Variants in MAST1 observed in about 807,000 individuals in gnomAD.
MAST1 encodes microtubule associated serine/threonine kinase 1.
Under a neutral mutation model 124.6 loss-of-function variants are expected in MAST1, and 40 were observed. The ratio of observed to expected loss-of-function variants is 0.32; its 90% CI spans 0.25 to 0.42. The LOEUF is 0.42. Among genes scored for constraint, MAST1 ranks in the 10% least tolerant of loss-of-function variants. The pLI, the probability that MAST1 is intolerant of heterozygous loss-of-function variation, is 1.00. For missense variants in MAST1, 1,558 were observed against 2,181.9 expected, an observed-to-expected ratio of 0.71 and a Z score of 5.70; for synonymous variants, 938 against 939.4, an observed-to-expected ratio of 1.00 and a Z score of 0.03.
intron 22 of MAST1, among the ~76,000 whole-genome samples, chr19:12,870,516 G>A (rs943958452): frequency 7.0e-6 from 1 of 142,952 alleles, no homozygotes; most frequent in Admixed American, 7.0e-5. Flanking sequence ...AAAAAAATTA[G>A]CCGGAGGTAG....
intron 12 of MAST1, among the ~76,000 whole-genome samples, chr19:12,862,865 C>T (rs1432627390): frequency 2.6e-5 from 4 of 151,830 alleles, no homozygotes; most frequent in Non-Finnish European, 4.4e-5. Flanking sequence ...TGGGGTTTCT[C>T]CATGTCAGCC....
chr19:12,868,437 C>A (rs1344867727), intron 20 of MAST1, among the ~76,000 whole-genome samples: 1 of 152,026 alleles, frequency 6.6e-6, no homozygotes, highest in Non-Finnish European at 1.5e-5. Flanking sequence ...ATTAGAAACA[C>A]CCCAATACCA....
chr19:12,845,400 C>T (rs929490544), intron 4 of MAST1, among the ~76,000 whole-genome samples: 2 of 106,868 alleles, frequency 1.9e-5, no homozygotes, highest in Non-Finnish European at 3.4e-5. Context: ...CGTGATGAAA[C>T]CCTGTTTCTA....
Position 12,841,201 on chromosome 19 carries a change from G to A in MAST1, c.248+135G>A. The A allele has an allele frequency of 1.7e-6, 1 of 598,044 alleles. No homozygotes were observed. Among genetic ancestry groups the A allele is most frequent in the East Asian group, 3.0e-5 (1 of 33,486 alleles). The allele number at this position is 598,044 out of a possible 1,614,324, so 37.0% of individuals were successfully genotyped here. A position where few individuals can be genotyped will look rare whatever the true frequency, so the allele number is the denominator to read the frequency against. ...GACCAGCGAGTGCCCCAAGGTCTCA[G>A]CGGGAAGGAGCGCCTAGCCTTCGGG... On this transcript the variant is annotated intron_variant, in intron 3 of 25. Coordinates refer to ENST00000251472, the MANE Select transcript of MAST1 (RefSeq NM_014975.3). The surrounding 1 kb of genome is among the most constrained non-coding windows in gnomAD (Gnocchi z 4.3).
Position 12,847,854 on chromosome 19 carries a change from G to T in MAST1, c.571G>T (p.Ala191Ser), listed in dbSNP as rs1396165852. ...TCCTCCGTCCCTCCCGCAGGCCACT[G>T]CGCAGATGGAGGAGAAGCTGCGCGA... ...VYKERFPKATAQMEEKLRDFT... is the reference protein window; with the variant it reads ...VYKERFPKATSQMEEKLRDFT... Residue 191 changes from alanine to serine, a missense_variant, in exon 7 of 26, where the codon GCG becomes TCG. Physicochemically the swap from Ala to Ser is moderately conservative, Grantham distance 99. Around this residue, in one of 10 missense-constraint regions of MAST1, gnomAD observed 165 missense variants for 315.3 expected, o/e 0.52. Coordinates refer to ENST00000251472, the MANE Select transcript of MAST1 (RefSeq NM_014975.3). This position sits in a 1 kb window ranked among gnomAD's most constrained non-coding sequence, Gnocchi z 5.5. The T allele has an allele frequency of 1.2e-6, 2 of 1,609,840 alleles. No homozygotes were observed. The highest frequency in any genetic ancestry group is 2.2e-5 in the South Asian group (2 of 90,470).
rs1365547937 is a variant in MAST1, at chr19:12,851,924, C to G, written c.775-10C>G. ...CTATGAGCCCTGTCCCTCTGTGTCCCCTGCCACAGGCCTATGAACGCTCTG... is the reference window on the plus strand; with the variant it reads ...CTATGAGCCCTGTCCCTCTGTGTCCGCTGCCACAGGCCTATGAACGCTCTG... On this transcript the variant is annotated splice_polypyrimidine_tract_variant and intron_variant, in intron 7 of 25. Transcript: ENST00000251472. 18 of 1,608,826 alleles carry G rather than the reference C, an allele frequency of 1.1e-5. No individual in the cohort carries two copies. Among genetic ancestry groups the G allele is most frequent in the Non-Finnish European group, 1.4e-5 (16 of 1,176,418 alleles).
At position 12,864,813 on chromosome 19, in the gene MAST1, C is replaced by G; in HGVS notation, c.1371C>G (p.Gly457=). The G allele has an allele frequency of 1.2e-6, 2 of 1,613,650 alleles. No homozygotes were observed. Among genetic ancestry groups the G allele is most frequent in the Non-Finnish European group, 8.5e-7 (1 of 1,179,988 alleles). The part of the protein sequence containing the change: ...LCMVMEYVEG[G]DCATLLKNIG... ...GGCCCATTTCCTGGCCTGCAGGCGG[C>G]GACTGTGCCACCCTGCTGAAGAATA... Residue 457 remains glycine, a synonymous_variant, in exon 13 of 26, where the codon GGC becomes GGG. Transcript: ENST00000251472.
intron 18 of MAST1, among the ~76,000 whole-genome samples, 184 bp from the exon 19 acceptor site, chr19:12,867,290 T>G (rs1327575892): frequency 6.6e-6 from 1 of 152,028 alleles, no homozygotes; most frequent in East Asian, 1.9e-4. Flanking sequence ...TAAAACGCAG[T>G]GCCTAACTTT....
intron 3 of MAST1, among the ~76,000 whole-genome samples, chr19:12,842,266 T>G (rs573932172): frequency 6.6e-6 from 1 of 151,898 alleles, no homozygotes; most frequent in Admixed American, 6.6e-5. Context: ...AGAGTCACAG[T>G]GTTTACTGTC....
intron 21 of MAST1, 105 bp downstream of exon 21, chr19:12,868,954 G>A (rs1970198843): frequency 1.9e-6 from 3 of 1,538,542 alleles, no homozygotes; most frequent in African/African-American, 2.7e-5. Flanking sequence ...TTGGCTCCAG[G>A]CTGGACCAAT....
intron 7 of MAST1, among the ~76,000 whole-genome samples, chr19:12,850,646 G>T (rs1469338613): frequency 6.6e-6 from 1 of 152,116 alleles, no homozygotes; most frequent in Non-Finnish European, 1.5e-5. Context: ...ACACATATAG[G>T]TTGGTGCATA....
In MAST1 at chr19:12,867,991, C is replaced by G. The variant is rs1386102109; in HGVS notation, c.2566+14C>G. 6.6e-7 allele frequency: 1 copy of G among 1,519,812 alleles called. No individual in the cohort carries two copies. The highest frequency in any genetic ancestry group is 2.3e-5 in the Admixed American group (1 of 44,174). 94.1% of individuals were successfully genotyped at this position (1,519,812 alleles called of 1,614,324 possible). A position where few individuals can be genotyped will look rare whatever the true frequency, so the allele number is the denominator to read the frequency against. ...ACTCCGAGGCCAGTGAGTGCCCTAT[C>G]GTGCTGCCTTCCCCAATCTTCCCCA... On this transcript the variant is annotated intron_variant, in intron 20 of 25. Transcript: ENST00000251472.
intron 24 of MAST1, among the ~76,000 whole-genome samples, chr19:12,872,426 GT>G (rs1316365846): frequency 6.6e-6 from 1 of 152,080 alleles, no homozygotes; most frequent in East Asian, 1.9e-4. Flanking sequence ...GTGGGACCAA[GT>G]TGGTTTTGTT....
At chr19:12,839,915 A>C (rs1240894916) in intron 1 of MAST1, among the ~76,000 whole-genome samples, 2 of 152,178 alleles carry the variant, frequency 1.3e-5, no homozygotes, top group African/African-American at 4.8e-5. Flanking sequence ...TTTAAAAGAA[A>C]AAAAATAATA....
At chr19:12,861,514 G>A (rs1481064335) in intron 12 of MAST1, among the ~76,000 whole-genome samples, 3 of 152,106 alleles carry the variant, frequency 2.0e-5, no homozygotes, top group Admixed American at 2.0e-4. Flanking sequence ...TTGGAGGAGT[G>A]GCAAGCAGGC....
Position 12,847,732 on chromosome 19 carries a change from C to T in MAST1, c.564+45C>T, listed in dbSNP as rs1277947869. Reference sequence around the variant, plus strand: ...GGTCACGGGGTGACCAGGCGGCCTGCACTCTCGCTCGCCTTATCCCCGCGC... The same window carrying T: ...GGTCACGGGGTGACCAGGCGGCCTGTACTCTCGCTCGCCTTATCCCCGCGC... On this transcript the variant is annotated intron_variant, in intron 6 of 25. Coordinates refer to ENST00000251472, the MANE Select transcript of MAST1 (RefSeq NM_014975.3). The surrounding 1 kb of genome is among the most constrained non-coding windows in gnomAD (Gnocchi z 5.5). 1 of 1,602,200 alleles carries T rather than the reference C, an allele frequency of 6.2e-7. No individual in the cohort carries two copies. Among genetic ancestry groups the T allele is most frequent in the Admixed American group, 1.7e-5 (1 of 59,556 alleles).
chr19:12,856,923 C>T (rs781713678), intron 10 of MAST1, among the ~76,000 whole-genome samples: 23 of 152,178 alleles, frequency 1.5e-4, no homozygotes, highest in Non-Finnish European at 2.6e-4. Context: ...TGATCTGTAT[C>T]AAACAGTAAT....
At chr19:12,851,902 T>C in intron 7 of MAST1, 32 bp from the exon 8 acceptor site, 2 of 1,563,816 alleles carry the variant, frequency 1.3e-6, no homozygotes, top group Non-Finnish European at 1.8e-6. Flanking sequence ...AGAGTGCCTA[T>C]GAGCCCTGTC....
chr19:12,865,263 C>G lies in MAST1; in HGVS notation c.1639-53C>G. 1 of 1,583,150 alleles carries G rather than the reference C, an allele frequency of 6.3e-7. No individual in the cohort carries two copies. The highest frequency in any genetic ancestry group is 8.6e-7 in the Non-Finnish European group (1 of 1,163,890). On this transcript the variant is annotated intron_variant, in intron 14 of 25. Transcript: ENST00000251472. This position sits in a 1 kb window ranked among gnomAD's most constrained non-coding sequence, Gnocchi z 7.1. ...CCAGGGCCTGGTGGGGGGCACAGCT[C>G]TCCCTTGAGGGCCCTCCTCTGGCTG...
Sources: allele counts gnomAD v4.1 joint callset (sites outside exome capture counted in the v4.1 genomes callset), GRCh38; gene constraint gnomAD v4.1.1; regional missense constraint gnomAD v4.1.1; non-coding constraint Gnocchi (gnomAD v3.1); transcripts MANE v1.5; gene names NCBI Gene and HGNC (gene_info 2026-07-23, HGNC 2026-07-21).